Variants in KAZN observed in about 807,000 individuals in gnomAD.
The protein encoded by KAZN is kazrin.
Under a neutral mutation model 87.4 loss-of-function variants are expected in KAZN, and 40 were observed. The ratio of observed to expected loss-of-function variants is 0.46; its 90% CI spans 0.36 to 0.60. The LOEUF is 0.60. Ranked by LOEUF, KAZN falls within the 20% of genes least tolerant of loss-of-function variation. The probability of loss-of-function intolerance (pLI) is 0.00; values close to 1 mark genes in which losing one functional copy is unlikely to be tolerated. For synonymous variants in KAZN, 466 were observed against 458.3 expected, an observed-to-expected ratio of 1.02 and a Z score of -0.22; for missense variants, 898 against 1,073.9, an observed-to-expected ratio of 0.84 and a Z score of 2.29.
chr1:15,054,911 G>T (rs186395637), intron 4 of KAZN, among the ~76,000 whole-genome samples: 1 of 152,220 alleles, frequency 6.6e-6, no homozygotes, highest in Non-Finnish European at 1.5e-5. Flanking sequence ...TGTTCTTGGC[G>T]TGGGCTCCTG....
At chr1:14,068,196 G>A (rs1189599275) in intron 1 of KAZN, among the ~76,000 whole-genome samples, 1 of 152,170 alleles carries the variant, frequency 6.6e-6, no homozygotes, top group Non-Finnish European at 1.5e-5. Context: ...CTGCAAAGTA[G>A]ACTTCTGATC....
intron 1 of KAZN, among the ~76,000 whole-genome samples, chr1:14,130,749 G>T (rs976053945): frequency 6.6e-6 from 1 of 152,124 alleles, no homozygotes; most frequent in Non-Finnish European, 1.5e-5. Context: ...TGAGTGTGCT[G>T]ATTGTCTTGT....
chr1:14,745,338 G>A (rs972514791), intron 1 of KAZN, among the ~76,000 whole-genome samples: 13 of 151,398 alleles, frequency 8.6e-5, no homozygotes, highest in African/African-American at 1.7e-4. Context: ...TAAATGGTAC[G>A]CAGCTCAAAA....
At chr1:14,492,734 AC>A (rs2148411861) in intron 2 of KAZN, among the ~76,000 whole-genome samples, 3 of 147,112 alleles carry the variant, frequency 2.0e-5, no homozygotes, top group African/African-American at 5.0e-5. Flanking sequence ...CACACCACAT[AC>A]AGCACACACA....
intron 2 of KAZN, among the ~76,000 whole-genome samples, chr1:14,266,742 A>T (rs1651506277): frequency 1.3e-5 from 2 of 152,228 alleles, no homozygotes; most frequent in Admixed American, 1.3e-4. Flanking sequence ...GGACGTAGAC[A>T]TGCCAATTCA....
intron 2 of KAZN, among the ~76,000 whole-genome samples, chr1:14,220,839 T>C (rs1375551460): frequency 6.6e-6 from 1 of 152,206 alleles, no homozygotes; most frequent in Non-Finnish European, 1.5e-5. Flanking sequence ...AGGTTATTTT[T>C]TTCTGCTGAG....
In KAZN at chr1:14,110,289, C is replaced by T. The variant is rs1054339989; in HGVS notation, c.92-70146C>T. On this transcript the variant is annotated intron_variant, in intron 1 of 16. Transcript: ENST00000636203. ...AAGGATGCTTAAAGCCTTGCCAAAC[C>T]TTAGGAACTCATTTTTGGAGGCCAA... 4.9e-5 allele frequency among the ~76,000 whole-genome samples: 7 copies of T among 142,190 alleles called. 1 individual carries two copies. The South Asian group carries it at 1.4e-3, about 28-fold the overall frequency. The allele number at this position is 142,190 out of a possible 152,430, so 93.3% of individuals were successfully genotyped here.
At chr1:14,268,776 C>G (rs1651696892) in intron 2 of KAZN, among the ~76,000 whole-genome samples, 1 of 152,208 alleles carries the variant, frequency 6.6e-6, no homozygotes, top group Admixed American at 6.5e-5. Context: ...AGCCAGGTTG[C>G]AGGCATTAAT....
At chr1:14,213,225 C>T (rs533992773) in intron 2 of KAZN, among the ~76,000 whole-genome samples, 39 of 152,274 alleles carry the variant, frequency 2.6e-4, no homozygotes, top group Admixed American at 1.4e-3. Flanking sequence ...ATCAGGTACA[C>T]GGGGTTGATT....
At chr1:15,062,019 C>T (rs2100538422) in intron 6 of KAZN, 1 of 152,322 alleles carries the variant, frequency 6.6e-6, no homozygotes, top group African/African-American at 2.4e-5. Context: ...AGTGTCCCTG[C>T]ACCATTCTCA....
chr1:14,079,099 C>T (rs897042995), intron 1 of KAZN, among the ~76,000 whole-genome samples: 6 of 152,270 alleles, frequency 3.9e-5, no homozygotes, highest in Middle Eastern at 3.4e-3. Context: ...CACGATTCTG[C>T]GGGCTGTACA....
At chr1:15,095,979 G>A (rs950565308) in intron 10 of KAZN, among the ~76,000 whole-genome samples, 8 of 152,262 alleles carry the variant, frequency 5.3e-5, no homozygotes, top group African/African-American at 1.4e-4. Context: ...ATGCTGGCTC[G>A]TCTGAGACAG....
chr1:14,497,401 G>A (rs1056814784), intron 2 of KAZN, among the ~76,000 whole-genome samples: 4 of 140,224 alleles, frequency 2.9e-5, no homozygotes, highest in Admixed American at 7.2e-5. Flanking sequence ...AGAGCCTAAA[G>A]AGGTTTGAAT....
chr1:14,308,681 C>A (rs1187502902), intron 2 of KAZN, among the ~76,000 whole-genome samples: 1 of 152,132 alleles, frequency 6.6e-6, no homozygotes, highest in Non-Finnish European at 1.5e-5. Flanking sequence ...TGTTTCCTTG[C>A]CTGCAAAATG....
At chr1:14,842,427 T>C (rs1464766687) in intron 1 of KAZN, among the ~76,000 whole-genome samples, 3 of 152,188 alleles carry the variant, frequency 2.0e-5, no homozygotes, top group Admixed American at 2.0e-4. Flanking sequence ...ACTGAGGGTC[T>C]TGCCTGGAGC....
chr1:14,258,136 CACCGTCCCAAA>C (rs1013593962), intron 2 of KAZN, among the ~76,000 whole-genome samples: 1 of 150,644 alleles, frequency 6.6e-6, no homozygotes, highest in African/African-American at 2.4e-5. Context: ...ATGAACCCTC[CACCGTCCCAAA>C]ACTGTCCCAA....
chr1:14,427,556 CTAAAT>C (rs1301707565), intron 2 of KAZN, among the ~76,000 whole-genome samples: 1 of 151,526 alleles, frequency 6.6e-6, no homozygotes, highest in Admixed American at 6.6e-5. Context: ...GACATGTATA[CTAAAT>C]TAAAGGTACA....
At chr1:14,129,739 CA>C (rs1423146418) in intron 1 of KAZN, among the ~76,000 whole-genome samples, 1 of 152,120 alleles carries the variant, frequency 6.6e-6, no homozygotes, top group Non-Finnish European at 1.5e-5. Flanking sequence ...CATGGAAAAA[CA>C]GGGCAGGGGA....
intron 4 of KAZN, among the ~76,000 whole-genome samples, chr1:15,049,226 G>T (rs1261864540): frequency 6.6e-6 from 1 of 152,206 alleles, no homozygotes; most frequent in Non-Finnish European, 1.5e-5. Flanking sequence ...AGACAGGGCT[G>T]CCTGCTCCTG....
Sources: gnomAD v4.1 joint callset for allele counts (sites outside exome capture counted in the v4.1 genomes callset) on GRCh38, gnomAD v4.1.1 for gene constraint, MANE v1.5 for transcripts, NCBI Gene and HGNC (gene_info 2026-07-23, HGNC 2026-07-21) for gene names.